Variants in ZBTB20 observed in about 807,000 individuals in gnomAD.
ZBTB20 encodes zinc finger and BTB domain-containing protein 20.
In ZBTB20, 9 loss-of-function variants were observed where a neutral mutation model predicts 56.9. The ratio of observed to expected loss-of-function variants is 0.16; its 90% CI spans 0.10 to 0.28. The LOEUF is 0.28. Ranked by LOEUF, ZBTB20 falls within the 10% of genes least tolerant of loss-of-function variation. The probability of loss-of-function intolerance (pLI) is 1.00; values close to 1 mark genes in which losing one functional copy is unlikely to be tolerated. For missense variants in ZBTB20, 655 were observed against 1,003.0 expected, an observed-to-expected ratio of 0.65 and a Z score of 4.69; for synonymous variants, 417 against 420.7, an observed-to-expected ratio of 0.99 and a Z score of 0.11.
rs1474416922 is a variant in ZBTB20 at position 114,335,622 on chromosome 3, T to C, written c.*3383A>G. The C allele has an allele frequency of 1.3e-5, 2 of 152,210 alleles. No homozygotes were observed. Among genetic ancestry groups the C allele is most frequent in the Admixed American group, 6.5e-5 (1 of 15,278 alleles). 9.4% of individuals were successfully genotyped at this position (152,210 alleles called of 1,614,324 possible). A position where few individuals can be genotyped will look rare whatever the true frequency, so the allele number is the denominator to read the frequency against. ...CTCCAGATTAGATCTCCCACTCCAA[T>C]CCAGCTTCTTCCTCTTTCCACAAAA... On this transcript the variant is annotated 3_prime_UTR_variant, in exon 12 of 12. Transcript: ENST00000675478.
chr3:114,429,809 T>C (rs2089986727), intron 7 of ZBTB20, among the ~76,000 whole-genome samples: 2 of 152,188 alleles, frequency 1.3e-5, no homozygotes, highest in Admixed American at 6.5e-5. Context: ...TTGCATTAGG[T>C]ATTATAAGTA....
chr3:114,500,836 T>C (rs2043861122), intron 6 of ZBTB20, among the ~76,000 whole-genome samples: 1 of 152,218 alleles, frequency 6.6e-6, no homozygotes, highest in African/African-American at 2.4e-5. Context: ...TACCCACATG[T>C]GGCTGGTGAC....
At chr3:114,473,164 G>A (rs956168715) in intron 7 of ZBTB20, among the ~76,000 whole-genome samples, 1 of 152,176 alleles carries the variant, frequency 6.6e-6, no homozygotes, top group Non-Finnish European at 1.5e-5. Flanking sequence ...TGAACAGCAC[G>A]CTTTATGTGT....
At chr3:114,771,259 T>C (rs923076075) in intron 5 of ZBTB20, among the ~76,000 whole-genome samples, 3 of 152,124 alleles carry the variant, frequency 2.0e-5, no homozygotes, top group Non-Finnish European at 2.9e-5. Flanking sequence ...ATGAATAACA[T>C]AGTAGAACAT....
intron 6 of ZBTB20, among the ~76,000 whole-genome samples, chr3:114,551,750 C>T (rs770121508): frequency 3.3e-5 from 5 of 152,150 alleles, no homozygotes; most frequent in Non-Finnish European, 5.9e-5. Flanking sequence ...ATTTTCCTTG[C>T]CTATAAGAAA....
rs1257750495 is a variant in ZBTB20, at chr3:114,329,731, A to AC, written c.*9273_*9274insG. ...TTGGAAAAAAAAAAAAAAAAAAAAA[A>AC]AAAAAACAACTCCCAGGAAAATGAA... On this transcript the variant is annotated 3_prime_UTR_variant, in exon 12 of 12. Coordinates refer to ENST00000675478, the MANE Select transcript of ZBTB20 (RefSeq NM_001348800.3). 3 of 149,016 alleles carry AC rather than the reference A, an allele frequency of 2.0e-5. No individual in the cohort carries two copies. The highest frequency in any genetic ancestry group is 1.9e-4 in the East Asian group (1 of 5,170). The allele number at this position is 149,016 out of a possible 1,614,324, so 9.2% of individuals were successfully genotyped here.
intron 5 of ZBTB20, among the ~76,000 whole-genome samples, chr3:114,775,910 G>A (rs1023406054): frequency 6.6e-6 from 1 of 152,098 alleles, no homozygotes; most frequent in Non-Finnish European, 1.5e-5. Flanking sequence ...ATGTGAACCA[G>A]GCCAAAGAAA....
At chr3:115,044,430 C>T (rs1347129978) in intron 2 of ZBTB20, among the ~76,000 whole-genome samples, 2 of 152,120 alleles carry the variant, frequency 1.3e-5, no homozygotes, top group Non-Finnish European at 2.9e-5. Context: ...GAAGGCAAAG[C>T]CTAATGTGGT....
chr3:114,978,230 C>A (rs2078184889), intron 2 of ZBTB20, among the ~76,000 whole-genome samples: 1 of 149,092 alleles, frequency 6.7e-6, no homozygotes, highest in Non-Finnish European at 1.5e-5. Context: ...ATATGGAATG[C>A]ATTTATAAAT....
intron 8 of ZBTB20, chr3:114,388,666 G>A (rs1416061483): frequency 2.0e-5 from 3 of 152,346 alleles, no homozygotes; most frequent in Non-Finnish European, 2.9e-5. Flanking sequence ...ACAGTGGCAC[G>A]GAAGGATGAT....
At chr3:114,411,737 T>A (rs1397056881) in intron 7 of ZBTB20, among the ~76,000 whole-genome samples, 1 of 152,036 alleles carries the variant, frequency 6.6e-6, no homozygotes, top group Non-Finnish European at 1.5e-5. Context: ...GAGGGAAGGG[T>A]ACAGAAAGAT....
rs544310005 is a variant in ZBTB20, at chr3:114,689,904, G to A, written c.-295+3624C>T. ...GTCTTTTCTTGTGACACCTGCCTTA[G>A]TCAAGCCATCCGATATAGTTCTAAC... On this transcript the variant is annotated intron_variant, in intron 6 of 11. Transcript: ENST00000675478. 4.4e-3 allele frequency among the ~76,000 whole-genome samples: 664 copies of A among 152,100 alleles called. 8 individuals carry two copies. The highest frequency in any genetic ancestry group is 0.017 in the Middle Eastern group (5 of 294).
chr3:114,970,364 C>G (rs2077822752), intron 3 of ZBTB20, among the ~76,000 whole-genome samples: 1 of 152,132 alleles, frequency 6.6e-6, no homozygotes, highest in Non-Finnish European at 1.5e-5. Flanking sequence ...CTTATTATCA[C>G]TAAAGGATAC....
chr3:115,097,341 G>A (rs1400438219), intron 1 of ZBTB20, among the ~76,000 whole-genome samples: 1 of 151,914 alleles, frequency 6.6e-6, no homozygotes, highest in Non-Finnish European at 1.5e-5. Context: ...ACCACGCCCA[G>A]GTAGTTTTTG....
intron 5 of ZBTB20, among the ~76,000 whole-genome samples, chr3:114,765,225 C>T (rs1407294559): frequency 6.6e-6 from 1 of 152,042 alleles, no homozygotes; most frequent in Non-Finnish European, 1.5e-5. Context: ...ATTGTGCCCT[C>T]CCAAAATTCA....
intron 11 of ZBTB20, among the ~76,000 whole-genome samples, chr3:114,346,983 G>GT (rs1018159619): frequency 2.0e-5 from 3 of 151,264 alleles, no homozygotes; most frequent in Admixed American, 1.3e-4. Context: ...ACCATGCCTG[G>GT]CCCCAAACAC....
In ZBTB20 at chr3:114,315,525, T is replaced by C. The variant is rs908660449; in HGVS notation, c.*23480A>G. The stretch of plus-strand genomic sequence containing the variant: ...GTGTATGTTTTAGGTCACATAAACA[T>C]ACAGTGTGTGCGTGGGTGTGTGTAT... On this transcript the variant is annotated 3_prime_UTR_variant, in exon 12 of 12. Coordinates refer to ENST00000675478, the MANE Select transcript of ZBTB20 (RefSeq NM_001348800.3). 1 of 151,082 alleles carries C rather than the reference T, an allele frequency of 6.6e-6. No homozygotes were observed. The highest frequency in any genetic ancestry group is 2.4e-5 in the African/African-American group (1 of 40,950). The allele number at this position is 151,082 out of a possible 1,614,324, so 9.4% of individuals were successfully genotyped here.
chr3:114,550,642 T>C (rs1037844836), intron 6 of ZBTB20, among the ~76,000 whole-genome samples: 1 of 152,216 alleles, frequency 6.6e-6, no homozygotes, highest in African/African-American at 2.4e-5. Flanking sequence ...AAAGTTATAA[T>C]TTCTTATTTT....
At chr3:114,408,103 G>A (rs2108750085) in intron 7 of ZBTB20, among the ~76,000 whole-genome samples, 1 of 152,288 alleles carries the variant, frequency 6.6e-6, no homozygotes, top group Middle Eastern at 3.4e-3. Context: ...CAGTTTATTT[G>A]AACTGATGAA....
Sources: gnomAD v4.1 joint callset for allele counts (sites outside exome capture counted in the v4.1 genomes callset) on GRCh38, gnomAD v4.1.1 for gene constraint, MANE v1.5 for transcripts, NCBI Gene and HGNC (gene_info 2026-07-23, HGNC 2026-07-21) for gene names.